The following PACRG variants were observed in gnomAD, a reference collection of about 807,000 sequenced individuals.
PACRG encodes the protein parkin coregulated.
Under a neutral mutation model 29.7 loss-of-function variants are expected in PACRG, and 29 were observed. That is an observed-to-expected ratio of 0.98 (90% confidence interval 0.73 to 1.33). PACRG has a LOEUF of 1.33. Ranked by LOEUF, PACRG falls within the 40% of genes most tolerant of loss-of-function variation. PACRG has a pLI of 0.00. For synonymous variants in PACRG, 116 were observed against 118.7 expected (o/e 0.98, Z 0.15); for missense variants, 279 against 316.2 (o/e 0.88, Z 0.89).
chr6:163,015,600 G>A (rs1806019646), intron 2 of PACRG, among the ~76,000 whole-genome samples: 1 of 152,046 alleles, frequency 6.6e-6, no homozygotes, highest in African/African-American at 2.4e-5. Flanking sequence ...GGTATTTTCT[G>A]TATGTGGCTA....
chr6:162,900,101 T>A (rs1562713491), intron 2 of PACRG, among the ~76,000 whole-genome samples: 1 of 151,706 alleles, frequency 6.6e-6, no homozygotes, highest in Non-Finnish European at 1.5e-5. Flanking sequence ...GAACTGATGC[T>A]CTGGTATCAG....
intron 2 of PACRG, among the ~76,000 whole-genome samples, chr6:163,040,243 G>A (rs561478439): frequency 9.2e-5 from 14 of 152,228 alleles, no homozygotes; most frequent in South Asian, 2.1e-4. Context: ...TTTTGGGCCC[G>A]CAGGTGCACA....
At chr6:162,934,972 G>A (rs1483707525) in intron 2 of PACRG, among the ~76,000 whole-genome samples, 2 of 152,132 alleles carry the variant, frequency 1.3e-5, no homozygotes, top group African/African-American at 4.8e-5. Flanking sequence ...TTGGCTGATA[G>A]TTGTTGTTTT....
Position 162,728,252 on chromosome 6 carries a change from A to G in PACRG, c.17A>G (p.Glu6Gly), listed in dbSNP as rs766673660. The stretch of plus-strand genomic sequence containing the variant: ...TCTAGGAAGATGGTGGCAGAAAAAG[A>G]GACCCTGAGCTTAAACAAATGCCCA... The part of the protein sequence containing the change: MVAEK[E>G]TLSLNKCPDK... Residue 6 changes from glutamate to glycine, a missense_variant, in exon 1 of 5, where the codon GAG becomes GGG. Transcript: ENST00000366888. 112 of 1,613,554 alleles carry G rather than the reference A, an allele frequency of 6.9e-5. No individual in the cohort carries two copies. Among genetic ancestry groups the G allele is most frequent in the Non-Finnish European group, 9.0e-5 (106 of 1,179,878 alleles).
chr6:162,772,515 C>T (rs1783300683), intron 1 of PACRG, among the ~76,000 whole-genome samples: 1 of 152,056 alleles, frequency 6.6e-6, no homozygotes, highest in Admixed American at 6.6e-5. Context: ...ATCCTTAAAG[C>T]AGGAAAAGGA....
At chr6:163,297,795 G>A (rs968189341) in intron 4 of PACRG, among the ~76,000 whole-genome samples, 34 of 152,128 alleles carry the variant, frequency 2.2e-4, no homozygotes, top group Admixed American at 1.6e-3. Context: ...TCTGATTAGC[G>A]ACCCCTCACA....
chr6:162,944,859 T>A (rs954950224), intron 2 of PACRG, among the ~76,000 whole-genome samples: 1 of 151,968 alleles, frequency 6.6e-6, no homozygotes, highest in Non-Finnish European at 1.5e-5. Context: ...TATTTGAAAT[T>A]TTGGTGTACC....
chr6:163,105,598 T>A (rs945163278), intron 4 of PACRG, among the ~76,000 whole-genome samples: 3 of 152,168 alleles, frequency 2.0e-5, no homozygotes, highest in Non-Finnish European at 4.4e-5. Context: ...TAATAAGCTA[T>A]GTTCAGTGAA....
intron 4 of PACRG, among the ~76,000 whole-genome samples, chr6:163,128,545 T>C (rs1816604709): frequency 6.6e-6 from 1 of 152,244 alleles, no homozygotes; most frequent in African/African-American, 2.4e-5. Context: ...ATGCAAGTTA[T>C]ATAACTTAAT....
chr6:162,952,606 G>A (rs573706705), intron 2 of PACRG, among the ~76,000 whole-genome samples: 2 of 152,242 alleles, frequency 1.3e-5, no homozygotes, highest in Admixed American at 6.5e-5. Context: ...ACAGTTTGGC[G>A]TGATTGATAG....
intron 2 of PACRG, among the ~76,000 whole-genome samples, chr6:162,839,330 T>C (rs1325795685): frequency 1.7e-5 from 2 of 119,364 alleles, no homozygotes; most frequent in Non-Finnish European, 3.4e-5. Flanking sequence ...GATTTGCATT[T>C]CTCTGATGGC....
rs77832601 is a variant in PACRG, at chr6:162,812,647, C to G, written c.157-1500C>G. ...AAATGTGATTCAAGATTTACTCCTCCATGAATTTCAGAAGTCCAGGAATCA... is the reference window on the plus strand; with the variant it reads ...AAATGTGATTCAAGATTTACTCCTCGATGAATTTCAGAAGTCCAGGAATCA... On this transcript the variant is annotated intron_variant, in intron 1 of 4. Coordinates refer to ENST00000366888, the MANE Select transcript of PACRG (RefSeq NM_001080379.2). Among the ~76,000 whole-genome samples the G allele has an allele frequency of 5.6e-3, 849 of 152,148 alleles. 8 individuals carry two copies. Among genetic ancestry groups the G allele is most frequent in the African/African-American group, 0.02 (815 of 41,542 alleles).
intron 1 of PACRG, among the ~76,000 whole-genome samples, chr6:162,780,579 A>G (rs1416562339): frequency 6.6e-6 from 1 of 152,196 alleles, no homozygotes; most frequent in Admixed American, 6.5e-5. Flanking sequence ...AGAAAAATCA[A>G]TATATTGAAA....
chr6:162,837,745 C>T (rs975174880), intron 2 of PACRG, among the ~76,000 whole-genome samples: 12 of 151,958 alleles, frequency 7.9e-5, no homozygotes, highest in Non-Finnish European at 1.2e-4. Context: ...ACATACACAC[C>T]GACCAGTCAT....
At chr6:163,012,090 A>G (rs1805668835) in intron 2 of PACRG, among the ~76,000 whole-genome samples, 2 of 152,172 alleles carry the variant, frequency 1.3e-5, no homozygotes, top group South Asian at 4.1e-4. Flanking sequence ...ACATCCACAA[A>G]TAGATGTGTT....
intron 2 of PACRG, among the ~76,000 whole-genome samples, chr6:162,816,528 A>G (rs2128367163): frequency 6.6e-6 from 1 of 151,912 alleles, no homozygotes; most frequent in Non-Finnish European, 1.5e-5. Flanking sequence ...AATTTTTTGT[A>G]TTTTTAGTAG....
At chr6:163,173,776 C>G (rs1779211231) in intron 4 of PACRG, among the ~76,000 whole-genome samples, 1 of 152,182 alleles carries the variant, frequency 6.6e-6, no homozygotes, top group African/African-American at 2.4e-5. Flanking sequence ...AGCTCAGGAG[C>G]TTTCACCTCT....
chr6:163,086,606 G>A (rs1343602242), intron 3 of PACRG, among the ~76,000 whole-genome samples: 1 of 152,080 alleles, frequency 6.6e-6, no homozygotes, highest in Non-Finnish European at 1.5e-5. Flanking sequence ...GTGTTTTCAT[G>A]CAACAAACCC....
intron 2 of PACRG, chr6:163,060,774 T>A (rs1332606735): frequency 6.6e-6 from 1 of 152,052 alleles, no homozygotes; most frequent in African/African-American, 2.4e-5. Context: ...AGATGATGGG[T>A]TCATTACGAG....
Sources: gnomAD v4.1 joint callset for allele counts (sites outside exome capture counted in the v4.1 genomes callset) on GRCh38, gnomAD v4.1.1 for gene constraint, MANE v1.5 for transcripts, NCBI Gene and HGNC (gene_info 2026-07-23, HGNC 2026-07-21) for gene names.